The following SGCZ variants were observed in gnomAD, a reference collection of about 807,000 sequenced individuals.
SGCZ encodes sarcoglycan zeta.
Under a neutral mutation model 41.3 loss-of-function variants are expected in SGCZ, and 40 were observed. That is an observed-to-expected ratio of 0.97 (90% CI 0.75 to 1.26). SGCZ has a LOEUF of 1.26. Ranked by LOEUF, SGCZ falls within the 50% of genes most tolerant of loss-of-function variation. SGCZ has a pLI of 0.00. For synonymous variants in SGCZ, 206 were observed against 137.5 expected (o/e 1.50, Z -3.49); for missense variants, 552 against 369.8 (o/e 1.49, Z -4.04).
intron 2 of SGCZ, among the ~76,000 whole-genome samples, chr8:14,484,843 T>C (rs1042879939): frequency 6.6e-6 from 1 of 152,222 alleles, no homozygotes; most frequent in Non-Finnish European, 1.5e-5. Flanking sequence ...GTTAAATGCA[T>C]TTCTTGGTGA....
intron 1 of SGCZ, among the ~76,000 whole-genome samples, chr8:14,592,714 T>C (rs1197864526): frequency 6.6e-6 from 1 of 152,186 alleles, no homozygotes; most frequent in Non-Finnish European, 1.5e-5. Context: ...AAAATTTCAT[T>C]TTATGTGACA....
chr8:14,756,485 G>A (rs945102136), intron 1 of SGCZ, among the ~76,000 whole-genome samples: 1 of 152,094 alleles, frequency 6.6e-6, no homozygotes, highest in Admixed American at 6.5e-5. Flanking sequence ...ACGCCCAGCG[G>A]GAAGTAACAA....
chr8:14,604,456 T>C (rs918429625), intron 1 of SGCZ, among the ~76,000 whole-genome samples: 7 of 152,120 alleles, frequency 4.6e-5, no homozygotes, highest in African/African-American at 1.4e-4. Flanking sequence ...GCTTGAAATA[T>C]GTATTCATTT....
At chr8:14,137,875 T>C (rs1803249943) in intron 5 of SGCZ, among the ~76,000 whole-genome samples, 2 of 151,982 alleles carry the variant, frequency 1.3e-5, no homozygotes, top group South Asian at 4.1e-4. Context: ...AGACACATAA[T>C]TGTCAGATTC....
intron 5 of SGCZ, among the ~76,000 whole-genome samples, chr8:14,127,088 G>A (rs181537830): frequency 6.6e-6 from 1 of 152,170 alleles, no homozygotes; most frequent in African/African-American, 2.4e-5. Context: ...ACCTATGTAA[G>A]GTAAGGTTTA....
At chr8:14,170,044 G>T (rs1407815476) in intron 4 of SGCZ, among the ~76,000 whole-genome samples, 2 of 138,196 alleles carry the variant, frequency 1.4e-5, no homozygotes, top group Non-Finnish European at 3.2e-5. Context: ...TTTAAATTGG[G>T]TTCTTTCACT....
At chr8:14,896,679 G>A (rs1805211387) in intron 1 of SGCZ, among the ~76,000 whole-genome samples, 1 of 151,806 alleles carries the variant, frequency 6.6e-6, no homozygotes, top group Non-Finnish European at 1.5e-5. Flanking sequence ...GTTTCACCAT[G>A]TTGGTCAAGG....
chr8:14,718,479 G>A (rs1049418575), intron 1 of SGCZ, among the ~76,000 whole-genome samples: 8 of 151,836 alleles, frequency 5.3e-5, no homozygotes, highest in Non-Finnish European at 7.4e-5. Context: ...CTAAGTAAAC[G>A]TCCCAAATCA....
At chr8:14,949,422 A>G (rs1396803516) in intron 1 of SGCZ, among the ~76,000 whole-genome samples, 1 of 152,148 alleles carries the variant, frequency 6.6e-6, no homozygotes, top group East Asian at 1.9e-4. Flanking sequence ...CCTTCACTCT[A>G]TGGACAGGAG....
chr8:14,322,459 C>T (rs1216800000), intron 3 of SGCZ, among the ~76,000 whole-genome samples: 3 of 152,058 alleles, frequency 2.0e-5, no homozygotes, highest in African/African-American at 7.2e-5. Flanking sequence ...GGACTCCATC[C>T]TCTATGGTCC....
intron 1 of SGCZ, among the ~76,000 whole-genome samples, chr8:14,919,851 G>A (rs1464334863): frequency 2.0e-5 from 3 of 152,154 alleles, no homozygotes; most frequent in African/African-American, 7.2e-5. Flanking sequence ...CCAGGAGGCA[G>A]AGGTTGCAGT....
At chr8:15,014,490 C>A (rs1234855596) in intron 1 of SGCZ, among the ~76,000 whole-genome samples, 1 of 152,126 alleles carries the variant, frequency 6.6e-6, no homozygotes, top group Non-Finnish European at 1.5e-5. Flanking sequence ...TACTTTATAC[C>A]TTCACTTATT....
At chr8:15,134,272 T>G (rs1005828358) in intron 1 of SGCZ, among the ~76,000 whole-genome samples, 1 of 150,852 alleles carries the variant, frequency 6.6e-6, no homozygotes, top group Non-Finnish European at 1.5e-5. Flanking sequence ...ACTTTGGTAT[T>G]TAAATGTAAA....
chr8:14,540,294 C>T (rs1803424492), intron 2 of SGCZ, among the ~76,000 whole-genome samples: 1 of 99,546 alleles, frequency 1.0e-5, no homozygotes, highest in South Asian at 3.3e-4. Context: ...TTATCAATCT[C>T]TGTCTTGGTG....
At chr8:14,341,421 A>T (rs886574214) in intron 2 of SGCZ, among the ~76,000 whole-genome samples, 1 of 152,140 alleles carries the variant, frequency 6.6e-6, no homozygotes, top group South Asian at 2.1e-4. Context: ...CCTCCACATC[A>T]TCACTAACAC....
At chr8:14,124,827 C>T (rs1220198245) in intron 5 of SGCZ, among the ~76,000 whole-genome samples, 2 of 152,116 alleles carry the variant, frequency 1.3e-5, no homozygotes, top group African/African-American at 4.8e-5. Context: ...CCATCTTCTT[C>T]TTATAGAAAT....
chr8:14,408,497 G>A (rs185477307), intron 2 of SGCZ, among the ~76,000 whole-genome samples: 98 of 152,064 alleles, frequency 6.4e-4, no homozygotes, highest in Admixed American at 1.4e-3. Context: ...GGTGGCCACC[G>A]TCTCTCCCCT....
intron 1 of SGCZ, among the ~76,000 whole-genome samples, chr8:14,980,168 G>A (rs1563407908): frequency 6.6e-6 from 1 of 152,176 alleles, no homozygotes; most frequent in Non-Finnish European, 1.5e-5. Flanking sequence ...GTCTATGGTG[G>A]ATGTAAGGAA....
intron 3 of SGCZ, among the ~76,000 whole-genome samples, chr8:14,306,860 A>C (rs1219283870): frequency 1.3e-5 from 2 of 152,242 alleles, no homozygotes; most frequent in African/African-American, 2.4e-5. Flanking sequence ...ATGTATTAAT[A>C]CATTACTTCT....
Sources: gnomAD v4.1 joint callset for allele counts (sites outside exome capture counted in the v4.1 genomes callset) on GRCh38, gnomAD v4.1.1 for gene constraint, MANE v1.5 for transcripts, NCBI Gene and HGNC (gene_info 2026-07-23, HGNC 2026-07-21) for gene names.